CAMTA1: variants seen among roughly 807,000 people sequenced by gnomAD.
CAMTA1 encodes calmodulin binding transcription activator 1.
In CAMTA1, 27 loss-of-function variants were observed where a neutral mutation model predicts 170.9. The observed-to-expected ratio is 0.16, with a 90% CI of 0.12 to 0.22. The LOEUF (loss-of-function observed/expected upper bound fraction) is 0.22. Ranked by LOEUF, CAMTA1 falls within the 10% of genes least tolerant of loss-of-function variation. The pLI, the probability that CAMTA1 is intolerant of heterozygous loss-of-function variation, is 1.00. For missense variants in CAMTA1, 1,619 were observed against 2,217.2 expected (o/e 0.73, Z 5.42); for synonymous variants, 833 against 891.5 (o/e 0.93, Z 1.17).
At chr1:7,288,285 T>A (rs1044300214) in intron 5 of CAMTA1, among the ~76,000 whole-genome samples, 1 of 152,148 alleles carries the variant, frequency 6.6e-6, no homozygotes, top group South Asian at 2.1e-4. Flanking sequence ...TAATCTAGAG[T>A]GCTTTCCTAA....
chr1:7,498,477 G>A (rs1575634454), intron 6 of CAMTA1, among the ~76,000 whole-genome samples: 1 of 150,798 alleles, frequency 6.6e-6, no homozygotes, highest in African/African-American at 2.5e-5. Flanking sequence ...GTGTGGATGT[G>A]TGAGCATGTA....
At chr1:6,898,914 A>G (rs1030839282) in intron 3 of CAMTA1, among the ~76,000 whole-genome samples, 3 of 151,782 alleles carry the variant, frequency 2.0e-5, no homozygotes, top group Non-Finnish European at 4.4e-5. Flanking sequence ...TTTTTTCTTT[A>G]AATGGAATAG....
At chr1:7,471,506 C>T (rs1231214915) in intron 6 of CAMTA1, among the ~76,000 whole-genome samples, 5 of 152,230 alleles carry the variant, frequency 3.3e-5, no homozygotes, top group East Asian at 3.9e-4. Context: ...CTCAGCATTG[C>T]TGGGGGCTCT....
In CAMTA1 at chr1:7,007,355, T is replaced by C. The variant is rs144311441; in HGVS notation, c.235-83949T>C. ...GGGACCCGAAAATGGGAACCCTTGC[T>C]AAGGACACAGGCAGCTGTACGCCAG... is the stretch of plus-strand genomic sequence containing the variant. On this transcript the variant is annotated intron_variant, in intron 3 of 22. Coordinates refer to ENST00000303635, the MANE Select transcript of CAMTA1 (RefSeq NM_015215.4). The surrounding 1 kb of genome is among the most constrained non-coding windows in gnomAD (Gnocchi z 4.5). 4.4e-3 allele frequency among the ~76,000 whole-genome samples: 677 copies of C among 152,296 alleles called. 12 individuals carry two copies. Among genetic ancestry groups the C allele is most frequent in the African/African-American group, 0.015 (632 of 41,546 alleles).
chr1:6,817,095 C>T (rs528509405), intron 1 of CAMTA1, among the ~76,000 whole-genome samples: 1 of 152,206 alleles, frequency 6.6e-6, no homozygotes, highest in African/African-American at 2.4e-5. Flanking sequence ...CCAAGTTCTT[C>T]CTGTTATTTC....
chr1:7,752,396 C>G, intron 20 of CAMTA1, 63 bp from the exon 21 acceptor site: 2 of 1,406,926 alleles, frequency 1.4e-6, no homozygotes, highest in Admixed American at 3.4e-5. Context: ...TCACTGCTGA[C>G]CAGTTTTCCA....
chr1:7,312,744 T>C (rs12404510), intron 5 of CAMTA1, among the ~76,000 whole-genome samples: 23,812 of 152,174 alleles, frequency 0.16, 2,518 homozygotes, highest in Non-Finnish European at 0.21. Context: ...CTTCTTTTCT[T>C]TGATGGCTTT....
intron 7 of CAMTA1, among the ~76,000 whole-genome samples, chr1:7,644,165 G>C (rs1411918878): frequency 6.6e-6 from 1 of 152,190 alleles, no homozygotes; most frequent in Non-Finnish European, 1.5e-5. Context: ...CACCTGCTGT[G>C]AGATGGGGGC....
rs1384616177 is a variant in CAMTA1 at position 7,685,830 on chromosome 1, G to C, written c.2914+8097G>C. Among the ~76,000 whole-genome samples the C allele has an allele frequency of 6.6e-6, 1 of 152,128 alleles. No individual in the cohort carries two copies. The highest frequency in any genetic ancestry group is 2.4e-5 in the African/African-American group (1 of 41,404). ...GGGCAAGCCAGTAGGTCCCAGACAG[G>C]ACAAATGGCCGTTCTTTCTGTTTTC... On this transcript the variant is annotated intron_variant, in intron 11 of 22. Coordinates refer to ENST00000303635, the MANE Select transcript of CAMTA1 (RefSeq NM_015215.4). The surrounding 1 kb of genome is among the most constrained non-coding windows in gnomAD (Gnocchi z 5.7).
At chr1:7,040,354 A>G (rs1298974219) in intron 3 of CAMTA1, among the ~76,000 whole-genome samples, 7 of 152,190 alleles carry the variant, frequency 4.6e-5, no homozygotes, top group African/African-American at 1.4e-4. Flanking sequence ...GATCCGGTGC[A>G]ATCAGATTGC....
chr1:7,083,530 G>A (rs189885350), intron 3 of CAMTA1, among the ~76,000 whole-genome samples: 4 of 152,290 alleles, frequency 2.6e-5, no homozygotes, highest in Admixed American at 6.5e-5. Flanking sequence ...GGAATGTTCA[G>A]ACGGGAGCCC....
chr1:7,131,744 C>G (rs1332194756), intron 4 of CAMTA1, among the ~76,000 whole-genome samples: 1 of 151,966 alleles, frequency 6.6e-6, no homozygotes, highest in East Asian at 1.9e-4. Flanking sequence ...AACATGTATT[C>G]AAATCAGGGG....
At chr1:7,489,194 G>T (rs1420030600) in intron 6 of CAMTA1, among the ~76,000 whole-genome samples, 1 of 152,250 alleles carries the variant, frequency 6.6e-6, no homozygotes, top group Non-Finnish European at 1.5e-5. Context: ...GGGCCATGAT[G>T]CCTGCCGCCC....
intron 6 of CAMTA1, among the ~76,000 whole-genome samples, chr1:7,508,786 C>CT (rs1263044230): frequency 6.6e-6 from 1 of 152,120 alleles, no homozygotes; most frequent in Non-Finnish European, 1.5e-5. Context: ...AAGACAAGGC[C>CT]TCCCAGCCCT....
At chr1:6,789,832 A>G (rs940433062) in intron 1 of CAMTA1, among the ~76,000 whole-genome samples, 11 of 109,732 alleles carry the variant, frequency 1.0e-4, no homozygotes, top group African/African-American at 3.6e-4. Flanking sequence ...TTTTTTTGAG[A>G]CAGAGTCTCA....
intron 11 of CAMTA1, among the ~76,000 whole-genome samples, chr1:7,704,193 G>GGAGCCC (rs1434162258): frequency 1.3e-5 from 2 of 148,394 alleles, no homozygotes; most frequent in South Asian, 2.1e-4. Flanking sequence ...GGCCGCGCAG[G>GGAGCCC]GAGCCCGAGC....
chr1:6,926,422 T>C (rs970117602), intron 3 of CAMTA1, among the ~76,000 whole-genome samples: 5 of 139,756 alleles, frequency 3.6e-5, no homozygotes, highest in Admixed American at 3.5e-4. Context: ...TCTTTTCTTT[T>C]CTCTTTCTTT....
At chr1:7,490,957 G>C (rs1431531935) in intron 6 of CAMTA1, among the ~76,000 whole-genome samples, 1 of 152,202 alleles carries the variant, frequency 6.6e-6, no homozygotes, top group South Asian at 2.1e-4. Context: ...TTCTGTGCTT[G>C]TCTCTTCCCC....
chr1:6,996,478 T>G (rs12130593), intron 3 of CAMTA1, among the ~76,000 whole-genome samples: 1 of 152,216 alleles, frequency 6.6e-6, no homozygotes, highest in East Asian at 1.9e-4. Context: ...AGAGATCAGC[T>G]GGAGATTGAG....
Sources: gnomAD v4.1 joint callset for allele counts (sites outside exome capture counted in the v4.1 genomes callset) on GRCh38, gnomAD v4.1.1 for gene constraint, Gnocchi (gnomAD v3.1) non-coding constraint, MANE v1.5 for transcripts, NCBI Gene and HGNC (gene_info 2026-07-23, HGNC 2026-07-21) for gene names.